NRP2: variants seen among roughly 807,000 people sequenced by gnomAD.
NRP2 encodes neuropilin 2.
In NRP2, 52 loss-of-function variants were observed where a neutral mutation model predicts 110.4. The ratio of observed to expected loss-of-function variants is 0.47; its 90% confidence interval spans 0.38 to 0.59. NRP2 has a LOEUF of 0.59. Among genes scored for constraint, NRP2 ranks in the 20% least tolerant of loss-of-function variants. The pLI is 0.00. For synonymous variants in NRP2, 508 were observed against 468.9 expected (o/e 1.08, Z -1.08); for missense variants, 1,049 against 1,203.0 (o/e 0.87, Z 1.89).
At chr2:205,765,649 C>A (rs777693220) in intron 14 of NRP2, 79 bp downstream of exon 14, 7 of 1,241,800 alleles carry the variant, frequency 5.6e-6, no homozygotes, top group Non-Finnish European at 7.1e-6. Flanking sequence ...GGCAGGACAC[C>A]ATTTTCCAAT....
At chr2:205,694,146 A>G (rs55898087) in intron 1 of NRP2, among the ~76,000 whole-genome samples, 212 of 152,354 alleles carry the variant, frequency 1.4e-3, no homozygotes, top group African/African-American at 4.8e-3. Flanking sequence ...GCAGAGGCAG[A>G]TGGTACTTAG....
intron 3 of NRP2, among the ~76,000 whole-genome samples, chr2:205,717,758 CCACCAG>C (rs1316205984): frequency 6.6e-6 from 1 of 152,178 alleles, no homozygotes; most frequent in African/African-American, 2.4e-5. Flanking sequence ...CAGATCAATG[CCACCAG>C]CACCAGTGGA....
At chr2:205,776,817 T>C in intron 15 of NRP2, 1 of 1,321,634 alleles carries the variant, frequency 7.6e-7, no homozygotes, top group South Asian at 1.6e-5. Context: ...AACTCAAGGC[T>C]CAGCTGGTTT....
chr2:205,748,910 G>C (rs1287727215), intron 10 of NRP2, among the ~76,000 whole-genome samples: 1 of 152,240 alleles, frequency 6.6e-6, no homozygotes, highest in Non-Finnish European at 1.5e-5. Flanking sequence ...GAATCACCTA[G>C]AGCTGAGGTC....
chr2:205,686,804 C>T lies in NRP2; in HGVS notation c.73+3441C>T, dbSNP rs1267661947. ...CAGGTTTATTGGCGTGTGCTCCCTG[C>T]TCGGCTCCCCTCCCTCCACTTCCTG... On this transcript the variant is annotated intron_variant, in intron 1 of 16. Transcript: ENST00000357785. The surrounding 1 kb of genome is among the most constrained non-coding windows in gnomAD (Gnocchi z 4.7). Among the ~76,000 whole-genome samples the T allele has an allele frequency of 2.6e-5, 4 of 152,320 alleles. No homozygotes were observed. Among genetic ancestry groups the T allele is most frequent in the Middle Eastern group, 6.8e-3 (2 of 294 alleles).
In NRP2 at chr2:205,763,542, G is replaced by A; in HGVS notation, c.2045-132G>A. The A allele has an allele frequency of 8.5e-7, 1 of 1,179,964 alleles. No individual in the cohort carries two copies. The highest frequency in any genetic ancestry group is 1.3e-6 in the Non-Finnish European group (1 of 790,514). The allele number at this position is 1,179,964 out of a possible 1,614,324, so 73.1% of individuals were successfully genotyped here. ...CCTTAAGAAAGGGTCACAGAGCCTG[G>A]AGAACAAGGACATGAATAAACCAAA... is the stretch of plus-strand genomic sequence containing the variant. On this transcript the variant is annotated intron_variant, in intron 12 of 16. Transcript: ENST00000357785. This position sits in a 1 kb window ranked among gnomAD's most constrained non-coding sequence, Gnocchi z 4.0.
intron 2 of NRP2, among the ~76,000 whole-genome samples, chr2:205,708,995 G>T (rs924011830): frequency 1.3e-5 from 2 of 152,186 alleles, no homozygotes; most frequent in African/African-American, 4.8e-5. Flanking sequence ...AACAACAAAT[G>T]GCTATTCATG....
intron 15 of NRP2, among the ~76,000 whole-genome samples, chr2:205,788,970 G>A (rs1450858062): frequency 2.0e-5 from 3 of 152,108 alleles, no homozygotes; most frequent in Non-Finnish European, 4.4e-5. Flanking sequence ...TTCCTGCTCT[G>A]GGTGATGCCT....
chr2:205,718,080 T>A lies in NRP2; in HGVS notation c.433+1706T>A, dbSNP rs532022792. On this transcript the variant is annotated intron_variant, in intron 3 of 16. Coordinates refer to ENST00000357785, the MANE Select transcript of NRP2 (RefSeq NM_003872.3). ...ATAGCAAGGTCCCTAGTGCTAATGCTGCCACTCGGCTGCACTGTGCTGGCC... is the reference window on the plus strand; with the variant it reads ...ATAGCAAGGTCCCTAGTGCTAATGCAGCCACTCGGCTGCACTGTGCTGGCC... Among the ~76,000 whole-genome samples, 4 of 152,260 alleles carry A rather than the reference T, an allele frequency of 2.6e-5. No individual in the cohort carries two copies. In the South Asian group the frequency reaches 6.2e-4, roughly 24 times the overall value.
intron 14 of NRP2, 52 bp from the exon 15 acceptor site, chr2:205,766,731 C>A (rs958033556): frequency 3.6e-5 from 54 of 1,507,826 alleles, no homozygotes; most frequent in Non-Finnish European, 4.9e-5. Context: ...CTATGTTCAC[C>A]CAATTGTTTC....
intron 16 of NRP2, among the ~76,000 whole-genome samples, chr2:205,792,997 A>C (rs1175153287): frequency 6.6e-6 from 1 of 152,222 alleles, no homozygotes; most frequent in Non-Finnish European, 1.5e-5. Flanking sequence ...ACTAAGATTG[A>C]TGAATTTAAG....
Position 205,743,796 on chromosome 2 carries a change from T to A in NRP2, c.1641+244T>A, listed in dbSNP as rs912130625. On this transcript the variant is annotated intron_variant, in intron 9 of 16. Transcript: ENST00000357785. ...GGAGTCTCTGTCACCCAGGCTGGAG[T>A]GCAGTGGCCTGTTCTCGGCTCACTG... 8.3e-6 allele frequency: 6 copies of A among 721,620 alleles called. No homozygotes were observed. The African/African-American group carries it at 1.1e-4, about 13-fold the overall frequency. The allele number at this position is 721,620 out of a possible 1,614,324, so 44.7% of individuals were successfully genotyped here.
In NRP2 at chr2:205,795,099, A is replaced by G; in HGVS notation, c.*41A>G. On this transcript the variant is annotated 3_prime_UTR_variant, in exon 17 of 17. Transcript: ENST00000357785. ...TCCTATCTGACGTTTCATTCCAGCA[A>G]GAGGGGCTGGGGAAGATTACATTTT... is the stretch of plus-strand genomic sequence containing the variant. 1 of 1,572,372 alleles carries G rather than the reference A, an allele frequency of 6.4e-7. No homozygotes were observed. Among genetic ancestry groups the G allele is most frequent in the South Asian group, 1.1e-5 (1 of 88,984 alleles).
intron 2 of NRP2, among the ~76,000 whole-genome samples, chr2:205,705,316 T>C (rs1357592866): frequency 6.6e-6 from 1 of 152,178 alleles, no homozygotes; most frequent in Non-Finnish European, 1.5e-5. Context: ...TTGTATTTAA[T>C]TTACATAATC....
chr2:205,776,716 CT>C (rs1044900341), intron 15 of NRP2: 1 of 1,480,936 alleles, frequency 6.8e-7, no homozygotes, highest in Non-Finnish European at 8.9e-7. Flanking sequence ...TCTGGTTTTT[CT>C]TTTTCCTTTT....
chr2:205,687,755 C>T (rs1017737004), intron 1 of NRP2, among the ~76,000 whole-genome samples: 2 of 152,240 alleles, frequency 1.3e-5, no homozygotes, highest in African/African-American at 4.8e-5. Context: ...CTCTGATCCC[C>T]TGCTGTTGAA....
At chr2:205,688,255 C>G (rs2056222243) in intron 1 of NRP2, among the ~76,000 whole-genome samples, 1 of 152,152 alleles carries the variant, frequency 6.6e-6, no homozygotes, top group Non-Finnish European at 1.5e-5. Context: ...ATTATCTGAC[C>G]ATCACTTGCA....
At chr2:205,773,561 T>C (rs1032731906) in intron 15 of NRP2, among the ~76,000 whole-genome samples, 3 of 152,168 alleles carry the variant, frequency 2.0e-5, no homozygotes, top group Non-Finnish European at 4.4e-5. Flanking sequence ...GTCTTTCAAG[T>C]AGAGCAGGAT....
intron 2 of NRP2, among the ~76,000 whole-genome samples, chr2:205,708,727 C>T (rs375634821): frequency 1.4e-4 from 22 of 152,266 alleles, no homozygotes; most frequent in Admixed American, 9.2e-4. Context: ...TTATTCTCTC[C>T]GTGTACTTCC....
Sources: gnomAD v4.1 joint callset for allele counts (sites outside exome capture counted in the v4.1 genomes callset) on GRCh38, gnomAD v4.1.1 for gene constraint, Gnocchi (gnomAD v3.1) non-coding constraint, MANE v1.5 for transcripts, NCBI Gene and HGNC (gene_info 2026-07-23, HGNC 2026-07-21) for gene names.